TNRC18: variants seen among roughly 807,000 people sequenced by gnomAD.
TNRC18 encodes the protein trinucleotide repeat-containing gene 18 protein.
Under a neutral mutation model 226.7 loss-of-function variants are expected in TNRC18, and 69 were observed. The ratio of observed to expected loss-of-function variants is 0.30; its 90% CI spans 0.25 to 0.37. TNRC18 has a LOEUF of 0.37. Among genes scored for constraint, TNRC18 ranks in the 10% least tolerant of loss-of-function variants. The pLI, the probability that TNRC18 is intolerant of heterozygous loss-of-function variation, is 1.00. For missense variants in TNRC18, 4,754 were observed against 4,256.6 expected (o/e 1.12, Z -3.25); for synonymous variants, 2,449 against 1,927.6 (o/e 1.27, Z -7.09).
intron 2 of TNRC18, among the ~76,000 whole-genome samples, chr7:5,399,859 C>T (rs114587298): frequency 0.018 from 2,667 of 151,398 alleles, 21 homozygotes; most frequent in Non-Finnish European, 0.022. Flanking sequence ...AACCACCCCC[C>T]GCCCCCGCCC....
At chr7:5,344,598 G>A (rs1439953895) in intron 18 of TNRC18, among the ~76,000 whole-genome samples, 3 of 152,166 alleles carry the variant, frequency 2.0e-5, no homozygotes, top group East Asian at 1.9e-4. Flanking sequence ...CAGCTGGGGG[G>A]CCTTCAGGGG....
chr7:5,354,827 C>A (rs1372284001), intron 16 of TNRC18, among the ~76,000 whole-genome samples: 1 of 152,214 alleles, frequency 6.6e-6, no homozygotes, highest in African/African-American at 2.4e-5. Context: ...CTTAAGGCCC[C>A]CAACGACCCC....
intron 17 of TNRC18, among the ~76,000 whole-genome samples, chr7:5,350,796 G>C (rs1258586264): frequency 6.6e-6 from 1 of 152,192 alleles, no homozygotes; most frequent in African/African-American, 2.4e-5. Context: ...AGGTGGCTGA[G>C]GACCCCGGGC....
At position 5,332,701 on chromosome 7, in the gene TNRC18, G is replaced by T; in HGVS notation, c.6068C>A (p.Thr2023Asn). 1 of 1,531,218 alleles carries T rather than the reference G, an allele frequency of 6.5e-7. No individual in the cohort carries two copies. The highest frequency in any genetic ancestry group is 8.8e-7 in the Non-Finnish European group (1 of 1,142,428). The allele number at this position is 1,531,218 out of a possible 1,614,324, so 94.9% of individuals were successfully genotyped here. The change falls in exon 19 of 30, where the codon ACC (threonine) becomes AAC (asparagine). Residue 2023 changes from threonine to asparagine, a missense_variant. Coordinates refer to ENST00000430969, the MANE Select transcript of TNRC18 (RefSeq NM_001080495.3). ...APVSTAPATK[T>N]SRCAKGGPLS... ...GGGGCCGCCCTTGGCGCAGCGGCTGGTCTTGGTGGCGGGCGCGGTGCTGAC... is the reference window on the plus strand; with the variant it reads ...GGGGCCGCCCTTGGCGCAGCGGCTGTTCTTGGTGGCGGGCGCGGTGCTGAC...
In TNRC18 at chr7:5,315,118, G is replaced by C. The variant is rs891086860; in HGVS notation, c.6893C>G (p.Pro2298Arg). The C allele has an allele frequency of 1.9e-6, 3 of 1,612,944 alleles. No homozygotes were observed. The highest frequency in any genetic ancestry group is 2.5e-6 in the Non-Finnish European group (3 of 1,179,690). Residue 2298 changes from proline (P) to arginine (R), a missense_variant, in exon 26 of 30, where the codon CCA becomes CGA. Physicochemically the swap from Pro to Arg is moderately radical, Grantham distance 103. Transcript: ENST00000430969. ...CTTCCGGCTGCGGCGCTTGGCACTT[G>C]GCACCAGAAGGGCCGGGGACGGCTC... ...CAEPSPALLV[P>R]SAKRRSRKTS...
Position 5,388,618 on chromosome 7 carries a change from G to A in TNRC18, c.1206C>T (p.Arg402=), listed in dbSNP as rs1251160597. Reference sequence around the variant, plus strand: ...GCAGGACCCCTGGCCTGCCAGCCTCGCGCTCGCGGGCCCGGGCATCGCGCG... The same window carrying A: ...GCAGGACCCCTGGCCTGCCAGCCTCACGCTCGCGGGCCCGGGCATCGCGCG... ...SQARDARARE[R]EAGRPGVLQA... is the part of the protein sequence containing the mutation. Residue 402 remains arginine (R), a synonymous_variant, in exon 5 of 30, where the codon CGC becomes CGT. Coordinates refer to ENST00000430969, the MANE Select transcript of TNRC18 (RefSeq NM_001080495.3). 2.4e-5 allele frequency: 31 copies of A among 1,284,078 alleles called. No homozygotes were observed. Among genetic ancestry groups the A allele is most frequent in the Admixed American group, 4.4e-5 (1 of 22,896 alleles). The allele number at this position is 1,284,078 out of a possible 1,614,324, so 79.5% of individuals were successfully genotyped here.
At chr7:5,348,336 C>T (rs1471305710) in intron 17 of TNRC18, among the ~76,000 whole-genome samples, 1 of 152,190 alleles carries the variant, frequency 6.6e-6, no homozygotes, top group African/African-American at 2.4e-5. Flanking sequence ...ACTCTAGGGG[C>T]CGCAGGGCTG....
chr7:5,356,350 G>A (rs1792372085), intron 16 of TNRC18, among the ~76,000 whole-genome samples: 1 of 152,020 alleles, frequency 6.6e-6, no homozygotes, highest in South Asian at 2.1e-4. Context: ...GGGTACCACT[G>A]TCAGAGCTGC....
At chr7:5,359,264 C>G in intron 15 of TNRC18, 134 bp downstream of exon 15, 1 of 923,668 alleles carries the variant, frequency 1.1e-6, no homozygotes, top group African/African-American at 1.6e-5. Flanking sequence ...AAGAGTCATT[C>G]CGGCATTGAA....
intron 16 of TNRC18, among the ~76,000 whole-genome samples, chr7:5,354,674 C>A (rs140123385): frequency 2.3e-3 from 352 of 152,202 alleles, no homozygotes; most frequent in Non-Finnish European, 4.0e-3. Context: ...AGGCATGAGC[C>A]AGCTGCTTAA....
At chr7:5,317,721 T>C (rs942090563) in intron 24 of TNRC18, among the ~76,000 whole-genome samples, 14 of 151,892 alleles carry the variant, frequency 9.2e-5, no homozygotes, top group Non-Finnish European at 1.8e-4. Context: ...GTTTTTTTTT[T>C]TTTTGAGATG....
At position 5,306,837 on chromosome 7, in the gene TNRC18, C is replaced by T; in HGVS notation, c.*1269G>A. On this transcript the variant is annotated 3_prime_UTR_variant, in exon 30 of 30. Coordinates refer to ENST00000430969, the MANE Select transcript of TNRC18 (RefSeq NM_001080495.3). ...TTTCTTTTTTTTTATGAAAAAAGAT[C>T]ACACAGAATTTGCCAACAAACAAAA... 1 of 151,104 alleles carries T rather than the reference C, an allele frequency of 6.6e-6. No individual in the cohort carries two copies. The highest frequency in any genetic ancestry group is 1.9e-4 in the East Asian group (1 of 5,166). The allele number at this position is 151,104 out of a possible 1,614,324, so 9.4% of individuals were successfully genotyped here.
intron 21 of TNRC18, among the ~76,000 whole-genome samples, chr7:5,323,287 G>C (rs1382753946): frequency 6.6e-6 from 1 of 152,000 alleles, no homozygotes; most frequent in Non-Finnish European, 1.5e-5. Flanking sequence ...AGTCATCAAA[G>C]CCCAGCACAT....
At chr7:5,397,510 G>T (rs979095992) in intron 2 of TNRC18, among the ~76,000 whole-genome samples, 8 of 152,192 alleles carry the variant, frequency 5.3e-5, no homozygotes, top group African/African-American at 1.2e-4. Context: ...TCCCCAGCAA[G>T]GCAGTGCCGT....
At chr7:5,361,333 G>A (rs1168405496) in intron 14 of TNRC18, among the ~76,000 whole-genome samples, 1 of 152,224 alleles carries the variant, frequency 6.6e-6, no homozygotes, top group African/African-American at 2.4e-5. Context: ...GGAGGCAGGC[G>A]TGGCAGGAAG....
chr7:5,317,555 C>T (rs1787973331), intron 24 of TNRC18, among the ~76,000 whole-genome samples: 1 of 151,812 alleles, frequency 6.6e-6, no homozygotes. Flanking sequence ...CACTGCACCG[C>T]ACTCTGGCCT....
intron 18 of TNRC18, among the ~76,000 whole-genome samples, chr7:5,335,835 G>GAA (rs61412615): frequency 0.018 from 2,272 of 125,748 alleles, 36 homozygotes; most frequent in Non-Finnish European, 0.022. Flanking sequence ...ATATTCACTG[G>GAA]AAAAAAAAAA....
intron 17 of TNRC18, among the ~76,000 whole-genome samples, chr7:5,350,111 CATGGGGGAG>C (rs1791630720): frequency 6.6e-6 from 1 of 150,618 alleles, no homozygotes; most frequent in South Asian, 2.1e-4. Context: ...GGGTCCAGCC[CATGGGGGAG>C]ATGGGGGAAA....
At chr7:5,390,458 AC>A in intron 4 of TNRC18, 26 bp downstream of exon 4, 2 of 1,609,640 alleles carry the variant, frequency 1.2e-6, no homozygotes, top group Non-Finnish European at 1.7e-6. Context: ...CCCCTGTGCC[AC>A]CCCCAACCCC....
Sources: allele counts gnomAD v4.1 joint callset (sites outside exome capture counted in the v4.1 genomes callset), GRCh38; gene constraint gnomAD v4.1.1; transcripts MANE v1.5; gene names NCBI Gene and HGNC (gene_info 2026-07-23, HGNC 2026-07-21).